The following RIPOR2 variants were observed in gnomAD, a reference collection of about 807,000 sequenced individuals.
RIPOR2 encodes rho family-interacting cell polarization regulator 2.
In RIPOR2, 39 loss-of-function variants were observed where a neutral mutation model predicts 114.5. The observed-to-expected ratio is 0.34, with a 90% confidence interval of 0.26 to 0.44. The LOEUF is 0.44. RIPOR2 is among the 20% of genes least tolerant of loss of function. The probability of loss-of-function intolerance (pLI) is 1.00; values close to 1 mark genes in which losing one functional copy is unlikely to be tolerated. For synonymous variants in RIPOR2, 445 were observed against 484.4 expected (o/e 0.92, Z 1.07); for missense variants, 1,007 against 1,255.1 (o/e 0.80, Z 2.99).
Position 24,843,189 on chromosome 6 carries a change from C to A in RIPOR2, c.1530G>T (p.Leu510=), listed in dbSNP as rs1352397027. Residue 510 remains leucine (L), a synonymous_variant, in exon 13 of 22, where the codon CTG becomes CTT. Transcript: ENST00000643898. The part of the protein sequence containing the change: ...RQSSGAGAEH[L]FLENDVAEAL... ...CTTCTGCAACATCATTCTCAAGGAA[C>A]AGGTGCTCAGCCCCAGCACCTGAGG... 3.7e-6 allele frequency: 6 copies of A among 1,613,912 alleles called. No homozygotes were observed. The highest frequency in any genetic ancestry group is 4.2e-6 in the Non-Finnish European group (5 of 1,179,900).
Position 24,848,141 on chromosome 6 carries a change from C to T in RIPOR2, c.1048G>A (p.Glu350Lys). 1 of 1,613,396 alleles carries T rather than the reference C, an allele frequency of 6.2e-7. No individual in the cohort carries two copies. Among genetic ancestry groups the T allele is most frequent in the Non-Finnish European group, 8.5e-7 (1 of 1,179,688 alleles). The stretch of plus-strand genomic sequence containing the variant: ...GCGCCTGAGGATGCGGTCATGTCCT[C>T]CACGTCAAATGGACTGCAAAACAAC... ...LEITWYPFDV[E>K]DMTASSGAGN... The change falls in exon 12 of 22, where the codon GAG becomes AAG. Residue 350 changes from glutamate to lysine, a missense_variant. Glu to Lys is a moderately conservative substitution (Grantham distance 56, BLOSUM62 1). Transcript: ENST00000643898.
intron 1 of RIPOR2, among the ~76,000 whole-genome samples, chr6:24,880,422 T>C (rs1044009318): frequency 6.6e-6 from 1 of 152,072 alleles, no homozygotes; most frequent in Admixed American, 6.6e-5. Flanking sequence ...AATAGAAAAG[T>C]TCTGAAACTA....
rs562935813 is a variant in RIPOR2 at position 24,809,671 on chromosome 6, A to G, written c.3043+46T>C. On this transcript the variant is annotated intron_variant, in intron 21 of 21. Transcript: ENST00000643898. Reference sequence around the variant, plus strand: ...ATCTAAATGGGAACATCCGTTAGAGAGTGCCAGAAGCAAACAATCATGTAA... The same window carrying G: ...ATCTAAATGGGAACATCCGTTAGAGGGTGCCAGAAGCAAACAATCATGTAA... 3 of 1,239,654 alleles carry G rather than the reference A, an allele frequency of 2.4e-6. No homozygotes were observed. The African/African-American group carries it at 4.5e-5, about 18-fold the overall frequency. 76.8% of individuals were successfully genotyped at this position (1,239,654 alleles called of 1,614,324 possible). A position where few individuals can be genotyped will look rare whatever the true frequency, so the allele number is the denominator to read the frequency against.
intron 1 of RIPOR2, among the ~76,000 whole-genome samples, chr6:24,885,559 C>T (rs1766764255): frequency 6.6e-6 from 1 of 152,172 alleles, no homozygotes; most frequent in Non-Finnish European, 1.5e-5. Flanking sequence ...CCAAGGAAAG[C>T]AACACAGCAG....
rs1193674632 is a variant in RIPOR2, at chr6:25,037,569, C to A, written c.76+4282G>T. 6.6e-6 allele frequency among the ~76,000 whole-genome samples: 1 copy of A among 152,138 alleles called. No individual in the cohort carries two copies. The highest frequency in any genetic ancestry group is 1.5e-5 in the Non-Finnish European group (1 of 68,030). ...CACACATGTGTGTCTTTGTAGTGACCTTTGGCCTCTTTTAAAATTCAAATA... is the reference window on the plus strand; with the variant it reads ...CACACATGTGTGTCTTTGTAGTGACATTTGGCCTCTTTTAAAATTCAAATA... On this transcript the variant is annotated intron_variant, in intron 1 of 13. Coordinates refer to the RIPOR2 transcript ENST00000510784. This position sits in a 1 kb window ranked among gnomAD's most constrained non-coding sequence, Gnocchi z 4.5.
At chr6:24,959,898 G>A (rs1468091508) in intron 1 of RIPOR2, among the ~76,000 whole-genome samples, 3 of 152,070 alleles carry the variant, frequency 2.0e-5, no homozygotes, top group African/African-American at 7.2e-5. Flanking sequence ...CCACCTTTTG[G>A]CCAACAGACC....
chr6:25,028,131 T>TA (rs1776717857), intron 1 of RIPOR2, among the ~76,000 whole-genome samples: 1 of 152,204 alleles, frequency 6.6e-6, no homozygotes, highest in African/African-American at 2.4e-5. Context: ...TCCTTCACTG[T>TA]ATTCTCAGAT....
rs913228913 is a variant in RIPOR2, at chr6:24,987,228, A to G, written c.76+54623T>C. Among the ~76,000 whole-genome samples the G allele has an allele frequency of 3.1e-3, 479 of 152,302 alleles. 3 individuals carry two copies. Among genetic ancestry groups the G allele is most frequent in the African/African-American group, 0.011 (456 of 41,574 alleles). On this transcript the variant is annotated intron_variant, in intron 1 of 13. Transcript: ENST00000510784. ...CAGGCGGACAAGTGTGGCTTGGTGG[A>G]AAGAGTATGGTCCAAAGACCACAGT... is the stretch of plus-strand genomic sequence containing the variant.
intron 15 of RIPOR2, 64 bp from the exon 16 acceptor site, chr6:24,832,455 G>C: frequency 7.0e-7 from 1 of 1,421,866 alleles, no homozygotes; most frequent in Non-Finnish European, 9.7e-7. Flanking sequence ...TCTCTACCCA[G>C]CCTCATCCTT....
upstream of RIPOR2, chr6:25,042,123 T>G: frequency 2.0e-6 from 1 of 495,760 alleles, no homozygotes; most frequent in East Asian, 3.3e-5. Flanking sequence ...TTGCCTTGCC[T>G]TTCCTTCCCT....
At chr6:24,934,646 A>T (rs546852014) in intron 1 of RIPOR2, among the ~76,000 whole-genome samples, 2 of 152,116 alleles carry the variant, frequency 1.3e-5, no homozygotes, top group Non-Finnish European at 2.9e-5. Context: ...AGAGTTTTTT[A>T]AAAAATTGCT....
chr6:24,853,400 T>G (rs1442521550), intron 8 of RIPOR2, among the ~76,000 whole-genome samples: 1 of 152,214 alleles, frequency 6.6e-6, no homozygotes, highest in African/African-American at 2.4e-5. Flanking sequence ...TGTCCAGTCT[T>G]TTTCTTTCTT....
chr6:24,906,745 TC>T (rs1286803812), intron 1 of RIPOR2, among the ~76,000 whole-genome samples: 1 of 152,130 alleles, frequency 6.6e-6, no homozygotes, highest in Non-Finnish European at 1.5e-5. Flanking sequence ...CAAGCGATCC[TC>T]CCACCTCAGC....
chr6:25,003,415 A>AT (rs1218365023), intron 1 of RIPOR2, among the ~76,000 whole-genome samples: 2 of 147,150 alleles, frequency 1.4e-5, no homozygotes, highest in African/African-American at 5.0e-5. Context: ...TATTATTATT[A>AT]TTATTATTAT....
At chr6:24,840,757 C>T (rs906044378) in intron 13 of RIPOR2, 113 of 1,535,322 alleles carry the variant, frequency 7.4e-5, no homozygotes, top group Non-Finnish European at 9.2e-5. Context: ...AGTTTCTGAT[C>T]GTCAAGGTGT....
rs1777287778 is a variant in RIPOR2, at chr6:25,037,126, T to G, written c.76+4725A>C. 6.6e-6 allele frequency among the ~76,000 whole-genome samples: 1 copy of G among 152,138 alleles called. No individual in the cohort carries two copies. Among genetic ancestry groups the G allele is most frequent in the Non-Finnish European group, 1.5e-5 (1 of 68,004 alleles). ...TTTTATGTCTTTTAATCCCCTCCAA[T>G]AACAATGGGAGGTGGGTGTTACTGT... On this transcript the variant is annotated intron_variant, in intron 1 of 13. Transcript: ENST00000510784. The surrounding 1 kb of genome is among the most constrained non-coding windows in gnomAD (Gnocchi z 4.5).
rs1338556837 is a variant in RIPOR2 at position 24,992,576 on chromosome 6, A to G, written c.76+49275T>C. Among the ~76,000 whole-genome samples, 2 of 152,236 alleles carry G rather than the reference A, an allele frequency of 1.3e-5. 1 individual carries two copies. Among genetic ancestry groups the G allele is most frequent in the East Asian group, 3.8e-4 (2 of 5,202 alleles). Reference sequence around the variant, plus strand: ...ACTAATCAAAGAAATCAGAGAAGACACAAATAGAAAAAATCTCATGCTTAT... The same window carrying G: ...ACTAATCAAAGAAATCAGAGAAGACGCAAATAGAAAAAATCTCATGCTTAT... On this transcript the variant is annotated intron_variant, in intron 1 of 13. Transcript: ENST00000510784.
intron 8 of RIPOR2, among the ~76,000 whole-genome samples, chr6:24,855,095 G>A (rs1427327439): frequency 6.7e-6 from 1 of 149,544 alleles, no homozygotes; most frequent in African/African-American, 2.5e-5. Flanking sequence ...ATATATAAAT[G>A]GATCCCCAGG....
chr6:25,026,537 A>T (rs1160081631), intron 1 of RIPOR2, among the ~76,000 whole-genome samples: 1 of 152,262 alleles, frequency 6.6e-6, no homozygotes, highest in East Asian at 1.9e-4. Context: ...AAAGACAAGA[A>T]GCCTGAGAAT....
Sources: allele counts gnomAD v4.1 joint callset (sites outside exome capture counted in the v4.1 genomes callset), GRCh38; gene constraint gnomAD v4.1.1; non-coding constraint Gnocchi (gnomAD v3.1); transcripts MANE v1.5; gene names NCBI Gene and HGNC (gene_info 2026-07-23, HGNC 2026-07-21).